Variants in SREK1IP1 observed in about 807,000 individuals in gnomAD.
SREK1IP1 encodes the protein SREK1 interacting protein 1, also known as protein SREK1IP1.
Under a neutral mutation model 22.8 loss-of-function variants are expected in SREK1IP1, and 12 were observed. That is an observed-to-expected ratio of 0.53 (90% CI 0.34 to 0.85). SREK1IP1 has a LOEUF of 0.85. SREK1IP1 is among the 40% of genes least tolerant of loss of function. SREK1IP1 has a pLI of 0.02. For synonymous variants in SREK1IP1, 53 were observed against 52.7 expected (o/e 1.01, Z -0.02); for missense variants, 147 against 171.8 (o/e 0.86, Z 0.81).
chr5:64,729,911 G>A (rs1742348202), intron 3 of SREK1IP1, among the ~76,000 whole-genome samples: 1 of 152,148 alleles, frequency 6.6e-6, no homozygotes, highest in African/African-American at 2.4e-5. Context: ...ACTGAAGTAG[G>A]TAGTTTGGTA....
At chr5:64,738,900 C>A (rs972667887) in intron 3 of SREK1IP1, among the ~76,000 whole-genome samples, 5 of 152,168 alleles carry the variant, frequency 3.3e-5, no homozygotes, top group Non-Finnish European at 7.4e-5. Flanking sequence ...AAATATTATT[C>A]TGACTTGGAT....
chr5:64,738,181 T>C (rs1289774613), intron 3 of SREK1IP1, among the ~76,000 whole-genome samples: 1 of 152,144 alleles, frequency 6.6e-6, no homozygotes, highest in Non-Finnish European at 1.5e-5. Flanking sequence ...TCAGCAAAAT[T>C]CTAGCAAACC....
At chr5:64,739,528 C>T (rs1742518823) in intron 3 of SREK1IP1, among the ~76,000 whole-genome samples, 1 of 152,186 alleles carries the variant, frequency 6.6e-6, no homozygotes, top group African/African-American at 2.4e-5. Flanking sequence ...GAATATATGT[C>T]GGGTTACTTC....
At chr5:64,732,872 GA>G (rs1271532473) in intron 3 of SREK1IP1, among the ~76,000 whole-genome samples, 1 of 149,508 alleles carries the variant, frequency 6.7e-6, no homozygotes, top group Non-Finnish European at 1.5e-5. Flanking sequence ...ACAGCACAGA[GA>G]ATCCAGAAAC....
chr5:64,736,862 G>A (rs1273040074), intron 3 of SREK1IP1, among the ~76,000 whole-genome samples: 1 of 150,766 alleles, frequency 6.6e-6, no homozygotes, highest in East Asian at 1.9e-4. Context: ...AAATCTACTT[G>A]GTCTGACATT....
At chr5:64,755,983 A>G (rs1021583135) in intron 1 of SREK1IP1, among the ~76,000 whole-genome samples, 7 of 152,114 alleles carry the variant, frequency 4.6e-5, no homozygotes, top group African/African-American at 1.7e-4. Flanking sequence ...ATTATAAGAA[A>G]TATCTAAATT....
chr5:64,757,886 T>C (rs1742872237), intron 1 of SREK1IP1, among the ~76,000 whole-genome samples: 2 of 133,498 alleles, frequency 1.5e-5, no homozygotes, highest in African/African-American at 3.4e-5. Context: ...TTTTTTTTTT[T>C]TGAGACGGAG....
At chr5:64,755,010 A>C (rs905682499) in intron 1 of SREK1IP1, among the ~76,000 whole-genome samples, 18 of 152,184 alleles carry the variant, frequency 1.2e-4, no homozygotes, top group Non-Finnish European at 2.1e-4. Context: ...CCACAGTGAG[A>C]TACCAACTCA....
chr5:64,755,187 C>T (rs918846289), intron 1 of SREK1IP1, among the ~76,000 whole-genome samples: 3 of 150,596 alleles, frequency 2.0e-5, no homozygotes, highest in South Asian at 2.1e-4. Context: ...CACTATCATT[C>T]GACCCAGCAA....
chr5:64,727,991 C>G, intron 4 of SREK1IP1, 116 bp downstream of exon 4: 1 of 945,246 alleles, frequency 1.1e-6, no homozygotes. Flanking sequence ...CAATGAAAAG[C>G]TTAGTTGTTG....
At chr5:64,757,766 T>C (rs1742868306) in intron 1 of SREK1IP1, among the ~76,000 whole-genome samples, 1 of 152,088 alleles carries the variant, frequency 6.6e-6, no homozygotes, top group Non-Finnish European at 1.5e-5. Flanking sequence ...TCCAGGTCTT[T>C]TAAGAGGTAA....
At chr5:64,768,458 C>T in intron 1 of SREK1IP1, 47 bp downstream of exon 1, 2 of 1,613,800 alleles carry the variant, frequency 1.2e-6, no homozygotes, top group Non-Finnish European at 1.7e-6. Flanking sequence ...CCCTCCCTTG[C>T]GCTCCCTTCG....
chr5:64,729,710 A>G (rs1742344124), intron 3 of SREK1IP1, among the ~76,000 whole-genome samples: 2 of 152,084 alleles, frequency 1.3e-5, no homozygotes, highest in Non-Finnish European at 2.9e-5. Flanking sequence ...TCCTGAGGTG[A>G]TATGTGTGTG....
At chr5:64,749,929 T>C (rs1239911607) in intron 2 of SREK1IP1, among the ~76,000 whole-genome samples, 1 of 152,206 alleles carries the variant, frequency 6.6e-6, no homozygotes, top group Admixed American at 6.5e-5. Context: ...TATAGTTAAT[T>C]ATCCTTTACC....
intron 1 of SREK1IP1, among the ~76,000 whole-genome samples, chr5:64,758,964 C>A (rs890956116): frequency 6.6e-6 from 1 of 152,168 alleles, no homozygotes; most frequent in African/African-American, 2.4e-5. Flanking sequence ...ATTGTCTGGG[C>A]AACTGAATGC....
chr5:64,747,008 A>G (rs1742649703), intron 2 of SREK1IP1, among the ~76,000 whole-genome samples: 1 of 152,206 alleles, frequency 6.6e-6, no homozygotes, highest in Non-Finnish European at 1.5e-5. Flanking sequence ...CACGGAACTC[A>G]GAACAGCCAA....
chr5:64,748,884 C>T (rs149769859), intron 2 of SREK1IP1, among the ~76,000 whole-genome samples: 16 of 152,044 alleles, frequency 1.1e-4, no homozygotes, highest in Admixed American at 3.9e-4. Flanking sequence ...AACTGGAGAT[C>T]ATGAAACCTA....
intron 3 of SREK1IP1, among the ~76,000 whole-genome samples, chr5:64,732,614 C>T (rs780571435): frequency 6.6e-6 from 1 of 152,096 alleles, no homozygotes; most frequent in Non-Finnish European, 1.5e-5. Context: ...AAAGTAATGA[C>T]GTCCATTCTC....
intron 1 of SREK1IP1, among the ~76,000 whole-genome samples, chr5:64,755,766 G>C (rs1742827917): frequency 2.0e-5 from 3 of 151,572 alleles, no homozygotes; most frequent in Admixed American, 2.0e-4. Flanking sequence ...AATATTCCAA[G>C]AATTCTATAG....
Sources: gnomAD v4.1 joint callset for allele counts (sites outside exome capture counted in the v4.1 genomes callset) on GRCh38, gnomAD v4.1.1 for gene constraint, MANE v1.5 for transcripts, NCBI Gene and HGNC (gene_info 2026-07-23, HGNC 2026-07-21) for gene names.